Variants in TENM1 observed in about 807,000 individuals in gnomAD.
TENM1 encodes teneurin-1.
In TENM1, 35 loss-of-function variants were observed where a neutral mutation model predicts 174.8. That is an observed-to-expected ratio of 0.20 (90% CI 0.15 to 0.27). The LOEUF is 0.27. Among genes scored for constraint, TENM1 ranks in the 10% least tolerant of loss-of-function variants. The pLI is 1.00. For missense variants in TENM1, 1,633 were observed against 2,130.1 expected, an observed-to-expected ratio of 0.77 and a Z score of 4.59; for synonymous variants, 781 against 798.7, an observed-to-expected ratio of 0.98 and a Z score of 0.37.
At chrX:124,873,238 A>G (rs1476302734) in intron 3 of TENM1, among the ~76,000 whole-genome samples, 1 of 111,053 alleles carries the variant, frequency 9.0e-6, no homozygotes, top group Non-Finnish European at 1.9e-5. Flanking sequence ...GCAGGAAAAA[A>G]AAATCTCCCT....
the TENM1 span, among the ~76,000 whole-genome samples, chrX:125,158,171 G>A: frequency 0.4 from 43,491 of 108,622 alleles, 6,805 homozygotes; most frequent in South Asian, 0.51. Context: ...TTGGGAGGCC[G>A]AGGTGGGCAG....
chrX:125,128,592 G>A, the TENM1 span, among the ~76,000 whole-genome samples: 4 of 111,016 alleles, frequency 3.6e-5, no homozygotes, highest in African/African-American at 9.8e-5. Flanking sequence ...CCTCCCATGT[G>A]CTATCCTTAT....
chrX:124,676,858 T>C (rs754834008), intron 5 of TENM1, among the ~76,000 whole-genome samples: 22 of 91,713 alleles, frequency 2.4e-4, no homozygotes, highest in Non-Finnish European at 2.3e-4. Flanking sequence ...GAGGCACTCA[T>C]TGACTCAAAA....
the TENM1 span, among the ~76,000 whole-genome samples, chrX:125,186,778 T>C: frequency 1.3e-4 from 14 of 111,443 alleles, no homozygotes; most frequent in Non-Finnish European, 2.3e-4. Flanking sequence ...TTACACAGCT[T>C]CAGGCATTCC....
At chrX:125,042,838 T>C in the TENM1 span, among the ~76,000 whole-genome samples, 2 of 111,459 alleles carry the variant, frequency 1.8e-5, no homozygotes, top group African/African-American at 6.5e-5. Context: ...AGGGTTTGAC[T>C]AGATGCTAAA....
intron 15 of TENM1, among the ~76,000 whole-genome samples, 153 bp from the exon 19 acceptor site, chrX:124,530,136 GT>G (rs1279514951): frequency 8.5e-4 from 89 of 105,132 alleles, no homozygotes; most frequent in African/African-American, 2.1e-3. Context: ...CTGGGGAGGA[GT>G]TTTTTTTTTT....
intron 11 of TENM1, among the ~76,000 whole-genome samples, chrX:124,584,674 C>G (rs2049441277): frequency 9.0e-6 from 1 of 110,888 alleles, no homozygotes. Flanking sequence ...GGATCAAATT[C>G]ACACATAACA....
intron 14 of TENM1, among the ~76,000 whole-genome samples, chrX:124,551,617 G>T (rs762394645): frequency 9.0e-6 from 1 of 111,020 alleles, no homozygotes; most frequent in Non-Finnish European, 1.9e-5. Context: ...TAATGGATAT[G>T]TTTATTACCT....
At chrX:124,842,329 T>C (rs889447025) in intron 3 of TENM1, among the ~76,000 whole-genome samples, 2 of 111,728 alleles carry the variant, frequency 1.8e-5, no homozygotes, top group African/African-American at 6.5e-5. Context: ...AGAAATCAGA[T>C]GAATTCCTGT....
chrX:125,060,428 C>T, the TENM1 span, among the ~76,000 whole-genome samples: 4 of 110,233 alleles, frequency 3.6e-5, no homozygotes, highest in South Asian at 3.9e-4. Context: ...GATAATTTGT[C>T]GCAAAAGTTT....
At chrX:125,091,447 T>C in the TENM1 span, among the ~76,000 whole-genome samples, 1 of 111,345 alleles carries the variant, frequency 9.0e-6, no homozygotes, top group Admixed American at 9.5e-5. Flanking sequence ...TTCCACTACA[T>C]TTGGACACCT....
At chrX:124,937,811 C>T (rs1254455817) in intron 1 of TENM1, among the ~76,000 whole-genome samples, 1 of 111,651 alleles carries the variant, frequency 9.0e-6, no homozygotes, top group African/African-American at 3.3e-5. Flanking sequence ...TATAGCAACT[C>T]GATGGGCTAT....
At chrX:124,523,670 A>T (rs1028942366) in intron 16 of TENM1, 45 bp from the exon 20 acceptor site, 4 of 1,160,926 alleles carry the variant, frequency 3.4e-6, no homozygotes, top group East Asian at 3.1e-5. Context: ...ATGAAAAATT[A>T]AAAAATTACA....
the TENM1 span, among the ~76,000 whole-genome samples, chrX:125,135,587 T>C: frequency 8.9e-6 from 1 of 111,748 alleles, no homozygotes; most frequent in Non-Finnish European, 1.9e-5. Flanking sequence ...TTAATGGGTG[T>C]TCTACAAGTG....
the TENM1 span, among the ~76,000 whole-genome samples, chrX:124,983,322 G>A: frequency 1.8e-5 from 2 of 111,884 alleles, no homozygotes; most frequent in Non-Finnish European, 3.8e-5. Context: ...CCATTGTTGC[G>A]ATCATTAACA....
At chrX:124,729,790 T>A (rs1306779338) in intron 4 of TENM1, among the ~76,000 whole-genome samples, 1 of 112,238 alleles carries the variant, frequency 8.9e-6, no homozygotes, top group Non-Finnish European at 1.9e-5. Context: ...CTCACAGGTA[T>A]GTATCGTCAA....
chrX:124,988,697 A>G, the TENM1 span, among the ~76,000 whole-genome samples: 1 of 111,904 alleles, frequency 8.9e-6, no homozygotes, highest in Non-Finnish European at 1.9e-5. Context: ...AGGGTACTAA[A>G]TCATAACCAA....
the TENM1 span, among the ~76,000 whole-genome samples, chrX:125,074,037 T>C: frequency 9.0e-6 from 1 of 111,711 alleles, no homozygotes; most frequent in Admixed American, 9.5e-5. Flanking sequence ...TTGCCTCAAG[T>C]TGGGCGGGAA....
At chrX:124,780,354 A>G (rs2054880524) in intron 3 of TENM1, among the ~76,000 whole-genome samples, 1 of 112,246 alleles carries the variant, frequency 8.9e-6, no homozygotes, top group Admixed American at 9.4e-5. Context: ...GAGTAAGAGA[A>G]ATTCATACCA....
Sources: gnomAD v4.1 joint callset for allele counts (sites outside exome capture counted in the v4.1 genomes callset) on GRCh38, gnomAD v4.1.1 for gene constraint, MANE v1.5 for transcripts, NCBI Gene and HGNC (gene_info 2026-07-23, HGNC 2026-07-21) for gene names.